Variants in EPB41L4A observed in about 807,000 individuals in gnomAD.
EPB41L4A encodes the protein erythrocyte membrane protein band 4.1 like 4A, also known as band 4.1-like protein 4A.
A neutral mutation model predicts 108.6 loss-of-function variants in EPB41L4A; 100 were observed. The ratio of observed to expected loss-of-function variants is 0.92; its 90% confidence interval spans 0.78 to 1.09. The LOEUF is 1.09. EPB41L4A is among the 50% of genes least tolerant of loss of function. The pLI is 0.00. For synonymous variants in EPB41L4A, 319 were observed against 289.0 expected, an observed-to-expected ratio of 1.10 and a Z score of -1.05; for missense variants, 1,030 against 842.7, an observed-to-expected ratio of 1.22 and a Z score of -2.75.
chr5:112,320,394 GC>G (rs1755697069), intron 1 of EPB41L4A, among the ~76,000 whole-genome samples: 1 of 152,134 alleles, frequency 6.6e-6, no homozygotes, highest in Non-Finnish European at 1.5e-5. Flanking sequence ...TAACACAAAA[GC>G]CCTCTAAAGT....
intron 18 of EPB41L4A, among the ~76,000 whole-genome samples, chr5:112,176,349 G>A (rs1280366742): frequency 6.6e-6 from 1 of 152,170 alleles, no homozygotes; most frequent in African/African-American, 2.4e-5. Flanking sequence ...GCTATATGAA[G>A]TAATCCATCA....
chr5:112,281,099 A>T (rs1374279697), intron 2 of EPB41L4A, among the ~76,000 whole-genome samples: 1 of 152,178 alleles, frequency 6.6e-6, no homozygotes, highest in African/African-American at 2.4e-5. Context: ...ACACCACTGG[A>T]CCTTCCTCAT....
intron 15 of EPB41L4A, among the ~76,000 whole-genome samples, chr5:112,198,251 T>A (rs1014168084): frequency 2.6e-5 from 4 of 152,134 alleles, no homozygotes; most frequent in African/African-American, 7.2e-5. Flanking sequence ...TAGGCTAGTC[T>A]TGAACTTCTG....
At chr5:112,331,296 A>G (rs185180916) in intron 1 of EPB41L4A, among the ~76,000 whole-genome samples, 2 of 152,316 alleles carry the variant, frequency 1.3e-5, no homozygotes, top group East Asian at 3.9e-4. Flanking sequence ...ATTACCTTCC[A>G]ACCCGTCCTC....
chr5:112,173,554 T>C (rs1418619035), intron 18 of EPB41L4A: 1 of 77,818 alleles, frequency 1.3e-5, no homozygotes, highest in Non-Finnish European at 2.6e-5. Flanking sequence ...AAGAGTGTTT[T>C]CATGTTTTTT....
intron 4 of EPB41L4A, among the ~76,000 whole-genome samples, chr5:112,272,606 C>A (rs966256251): frequency 1.3e-5 from 2 of 151,174 alleles, no homozygotes; most frequent in African/African-American, 4.9e-5. Flanking sequence ...ATGGCGAAAC[C>A]CTGAATCTAC....
intron 1 of EPB41L4A, among the ~76,000 whole-genome samples, chr5:112,417,581 G>T (rs60901135): frequency 2.6e-5 from 4 of 152,016 alleles, no homozygotes; most frequent in Non-Finnish European, 5.9e-5. Context: ...TTCATTGGGC[G>T]GGTGAGAGGA....
At position 112,187,115 on chromosome 5, in the gene EPB41L4A, A is replaced by C. The variant is rs17267182; in HGVS notation, c.1503-2980T>G. Among the ~76,000 whole-genome samples, 874 of 152,280 alleles carry C rather than the reference A, an allele frequency of 5.7e-3. 3 individuals are homozygous for C. The highest frequency in any genetic ancestry group is 0.014 in the Middle Eastern group (4 of 294). On this transcript the variant is annotated intron_variant, in intron 17 of 22. Transcript: ENST00000261486. The stretch of plus-strand genomic sequence containing the variant: ...TGTTTTGACATAGTACCTTTTAAAA[A>C]GTCAAAATGTGCTCTTACATCATAG...
intron 2 of EPB41L4A, among the ~76,000 whole-genome samples, chr5:112,283,385 C>T (rs565231804): frequency 3.9e-4 from 60 of 152,266 alleles, no homozygotes; most frequent in African/African-American, 1.4e-3. Context: ...AACCCACTTA[C>T]GTTCAACCAA....
chr5:112,380,829 A>AC (rs1334806171), intron 1 of EPB41L4A, among the ~76,000 whole-genome samples: 1 of 147,832 alleles, frequency 6.8e-6, no homozygotes, highest in South Asian at 2.1e-4. Context: ...ACACACACAC[A>AC]ATTCAGCCAA....
exon 13 of EPB41L4A, chr5:112,145,941 T>C (rs1246269614): frequency 4.4e-6 from 2 of 456,650 alleles, no homozygotes; most frequent in African/African-American, 4.0e-5. Context: ...TGAAGTGCCT[T>C]GTTCAAACTC....
At chr5:112,364,174 C>T (rs1219211709) in intron 1 of EPB41L4A, among the ~76,000 whole-genome samples, 2 of 152,130 alleles carry the variant, frequency 1.3e-5, no homozygotes. Context: ...TTACAGGCAC[C>T]CGCCATCATG....
At chr5:112,183,899 G>T in intron 18 of EPB41L4A, 117 bp downstream of exon 18, 1 of 1,273,120 alleles carries the variant, frequency 7.9e-7, no homozygotes. Flanking sequence ...AGGTAAATAT[G>T]ACAAATAAAC....
intron 11 of EPB41L4A, among the ~76,000 whole-genome samples, chr5:112,238,431 C>G (rs947285552): frequency 2.0e-5 from 3 of 152,140 alleles, no homozygotes; most frequent in African/African-American, 2.4e-5. Flanking sequence ...AAATTTTCAA[C>G]TAAATAATAT....
chr5:112,350,091 TAC>T, intron 1 of EPB41L4A, among the ~76,000 whole-genome samples: 1 of 152,354 alleles, frequency 6.6e-6, no homozygotes, highest in African/African-American at 2.4e-5. Context: ...CACACATGTC[TAC>T]AGAGTACTTG....
chr5:112,215,772 A>AAAC (rs988779709), intron 12 of EPB41L4A, among the ~76,000 whole-genome samples: 3 of 147,064 alleles, frequency 2.0e-5, no homozygotes, highest in Non-Finnish European at 4.5e-5. Flanking sequence ...CAAAAAAAAA[A>AAAC]AAAAACAAAA....
chr5:112,203,683 G>C (rs1402218455), intron 15 of EPB41L4A, among the ~76,000 whole-genome samples: 2 of 152,172 alleles, frequency 1.3e-5, no homozygotes, highest in Non-Finnish European at 2.9e-5. Flanking sequence ...CAGCTAAAAA[G>C]GCTTATCTTT....
chr5:112,213,229 T>C (rs779991107), intron 12 of EPB41L4A, among the ~76,000 whole-genome samples: 10 of 152,216 alleles, frequency 6.6e-5, no homozygotes, highest in Non-Finnish European at 1.3e-4. Context: ...GACAGTGCTA[T>C]AACTCTCATA....
chr5:112,326,924 T>C (rs1236322951), intron 1 of EPB41L4A, among the ~76,000 whole-genome samples: 1 of 152,166 alleles, frequency 6.6e-6, no homozygotes, highest in Non-Finnish European at 1.5e-5. Context: ...AAAAAAATAT[T>C]CACTGATCAC....
Sources: allele counts gnomAD v4.1 joint callset (sites outside exome capture counted in the v4.1 genomes callset), GRCh38; gene constraint gnomAD v4.1.1; transcripts MANE v1.5; gene names NCBI Gene and HGNC (gene_info 2026-07-23, HGNC 2026-07-21).